STIM2: variants seen among roughly 807,000 people sequenced by gnomAD.
STIM2 encodes the protein stromal interaction molecule 2.
A neutral mutation model predicts 85.8 loss-of-function variants in STIM2; 31 were observed. The observed-to-expected ratio is 0.36, with a 90% CI of 0.27 to 0.49. The LOEUF (loss-of-function observed/expected upper bound fraction) is 0.49. Ranked by LOEUF, STIM2 falls within the 20% of genes least tolerant of loss-of-function variation. The probability of loss-of-function intolerance (pLI) is 0.98; values close to 1 mark genes in which losing one functional copy is unlikely to be tolerated. For synonymous variants in STIM2, 356 were observed against 331.1 expected, an observed-to-expected ratio of 1.08 and a Z score of -0.82; for missense variants, 841 against 927.6, an observed-to-expected ratio of 0.91 and a Z score of 1.21.
intron 2 of STIM2, among the ~76,000 whole-genome samples, chr4:26,931,650 G>A (rs917311650): frequency 3.9e-5 from 6 of 152,128 alleles, no homozygotes; most frequent in African/African-American, 1.2e-4. Flanking sequence ...TTGTTTGACT[G>A]AAGGATCACT....
Position 26,861,096 on chromosome 4 carries a change from G to A in STIM2, c.-123G>A, listed in dbSNP as rs1213634100. On this transcript the variant is annotated 5_prime_UTR_variant, in exon 1 of 12. Transcript: ENST00000467087. ...GGCGGTGGTGGCGCCTCGCGGAGCC[G>A]GCGAGCTGCAGGCGGCCGGGGCGCC... 1.1e-5 allele frequency: 13 copies of A among 1,195,778 alleles called. No individual in the cohort carries two copies. The highest frequency in any genetic ancestry group is 3.7e-5 in the East Asian group (1 of 26,680). 74.1% of individuals were successfully genotyped at this position (1,195,778 alleles called of 1,614,324 possible).
chr4:26,862,787 G>C (rs941175747), intron 1 of STIM2, among the ~76,000 whole-genome samples: 2 of 152,164 alleles, frequency 1.3e-5, no homozygotes, highest in Non-Finnish European at 2.9e-5. Context: ...CTTTATGCTT[G>C]AATAGTATTT....
intron 1 of STIM2, among the ~76,000 whole-genome samples, chr4:26,871,357 G>T (rs1379353411): frequency 2.0e-5 from 3 of 152,144 alleles, no homozygotes; most frequent in Admixed American, 2.0e-4. Context: ...GGCTGGAGAA[G>T]TAGCAGATAC....
Position 26,928,574 on chromosome 4 carries a change from G to C in STIM2, c.282+8940G>C, listed in dbSNP as rs570329481. Among the ~76,000 whole-genome samples, 18 of 152,146 alleles carry C rather than the reference G, an allele frequency of 1.2e-4. No homozygotes were observed. The South Asian group carries it at 3.7e-3, about 32-fold the overall frequency. On this transcript the variant is annotated intron_variant, in intron 2 of 11. Transcript: ENST00000467087. ...CTTTTATAGAGATGAGAGTCTTGCT[G>C]TGTGGCTCATGCTGGTTTCAAAAGC... is the stretch of plus-strand genomic sequence containing the variant.
intron 2 of STIM2, among the ~76,000 whole-genome samples, chr4:26,934,862 G>T (rs1056598225): frequency 7.0e-6 from 1 of 142,280 alleles, no homozygotes; most frequent in Admixed American, 7.5e-5. Flanking sequence ...GTAGTGAGCC[G>T]AGATCGCGCC....
chr4:26,987,028 G>A (rs1422955434), intron 3 of STIM2, among the ~76,000 whole-genome samples: 1 of 152,140 alleles, frequency 6.6e-6, no homozygotes, highest in African/African-American at 2.4e-5. Flanking sequence ...GAAATTCATG[G>A]GAGAAAGAGA....
In STIM2 at chr4:26,860,882, G is replaced by A. The variant is rs952099032; in HGVS notation, c.-337G>A. On this transcript the variant is annotated 5_prime_UTR_variant, in exon 1 of 12. Coordinates refer to ENST00000467087, the MANE Select transcript of STIM2 (RefSeq NM_020860.4). Reference sequence around the variant, plus strand: ...GTCTCGCCGCAGCAGCAGCGCGGGTGTCGTGCACCGCCTGAAGACGCCGTA... The same window carrying A: ...GTCTCGCCGCAGCAGCAGCGCGGGTATCGTGCACCGCCTGAAGACGCCGTA... The A allele has an allele frequency of 3.1e-6, 3 of 980,758 alleles. No homozygotes were observed. The highest frequency in any genetic ancestry group is 3.2e-4 in the Middle Eastern group (1 of 3,100). 60.8% of individuals were successfully genotyped at this position (980,758 alleles called of 1,614,324 possible).
At chr4:26,906,915 C>T (rs1278895900) in intron 1 of STIM2, among the ~76,000 whole-genome samples, 4 of 150,228 alleles carry the variant, frequency 2.7e-5, no homozygotes, top group African/African-American at 7.4e-5. Flanking sequence ...TGCAGTGAGC[C>T]GAGATTGCAT....
intron 1 of STIM2, among the ~76,000 whole-genome samples, chr4:26,868,747 A>G (rs531154336): frequency 2.6e-5 from 4 of 151,546 alleles, no homozygotes; most frequent in East Asian, 1.9e-4. Flanking sequence ...CTTTATTCCT[A>G]TTGTCCAGCA....
intron 1 of STIM2, among the ~76,000 whole-genome samples, chr4:26,879,578 A>G (rs537719703): frequency 1.3e-5 from 2 of 152,292 alleles, no homozygotes; most frequent in South Asian, 2.1e-4. Context: ...CAACAACTCT[A>G]TGAGAGCAGT....
chr4:26,898,605 C>A (rs947768934), intron 1 of STIM2, among the ~76,000 whole-genome samples: 12 of 152,116 alleles, frequency 7.9e-5, no homozygotes, highest in Non-Finnish European at 1.3e-4. Flanking sequence ...CTGTCAAGAA[C>A]TTTGATCAGT....
chr4:26,927,680 T>TA (rs71186498), intron 2 of STIM2, among the ~76,000 whole-genome samples: 1,695 of 23,416 alleles, frequency 0.072, 218 homozygotes, highest in Middle Eastern at 0.12. Flanking sequence ...TAGAGTATAA[T>TA]AAAAAAAAAA....
In STIM2 at chr4:27,022,731, C is replaced by G. The variant is rs531937020; in HGVS notation, c.1976C>G (p.Thr659Ser). 1 of 1,614,032 alleles carries G rather than the reference C, an allele frequency of 6.2e-7. No homozygotes were observed. The highest frequency in any genetic ancestry group is 8.5e-7 in the Non-Finnish European group (1 of 1,179,994). Reference sequence around the variant, plus strand: ...CCCGACTGTGTAGGTCTGACAGAAACTAAGAGTATGATCTTCAGTCCTGCA... The same window carrying G: ...CCCGACTGTGTAGGTCTGACAGAAAGTAAGAGTATGATCTTCAGTCCTGCA... Residue 659 changes from threonine (T) to serine (S), a missense_variant, in exon 12 of 12, where the codon ACT becomes AGT. Coordinates refer to ENST00000467087, the MANE Select transcript of STIM2 (RefSeq NM_020860.4).
intron 1 of STIM2, chr4:26,861,625 A>T (rs1236224304): frequency 2.7e-6 from 1 of 368,534 alleles, no homozygotes; most frequent in Non-Finnish European, 4.5e-6. Context: ...CGATCTTCCA[A>T]GCTGAGCAAT....
intron 1 of STIM2, among the ~76,000 whole-genome samples, chr4:26,879,900 C>G (rs150890081): frequency 8.9e-4 from 135 of 152,274 alleles, no homozygotes; most frequent in African/African-American, 3.0e-3. Context: ...TTGAGTTTCT[C>G]TGCTTTTTTC....
At chr4:27,002,831 A>T in intron 6 of STIM2, 96 bp from the exon 7 acceptor site, 5 of 1,074,956 alleles carry the variant, frequency 4.7e-6, no homozygotes, top group Non-Finnish European at 6.2e-6. Flanking sequence ...TGATTGAAAT[A>T]TGTATTTAAT....
intron 1 of STIM2, among the ~76,000 whole-genome samples, chr4:26,883,408 C>CAT (rs1723097998): frequency 6.6e-6 from 1 of 151,960 alleles, no homozygotes; most frequent in African/African-American, 2.4e-5. Flanking sequence ...TATGTATGCA[C>CAT]ATATATACCT....
chr4:26,898,798 A>G (rs1723801689), intron 1 of STIM2, among the ~76,000 whole-genome samples: 1 of 152,104 alleles, frequency 6.6e-6, no homozygotes, highest in Non-Finnish European at 1.5e-5. Flanking sequence ...TTAAAAAGGC[A>G]TTTTATGCAT....
At chr4:26,881,361 G>A (rs576858911) in intron 1 of STIM2, among the ~76,000 whole-genome samples, 3 of 151,904 alleles carry the variant, frequency 2.0e-5, no homozygotes, top group Non-Finnish European at 4.4e-5. Context: ...AGCTACTTGG[G>A]AGGCTGAGGC....
Sources: allele counts gnomAD v4.1 joint callset (sites outside exome capture counted in the v4.1 genomes callset), GRCh38; gene constraint gnomAD v4.1.1; transcripts MANE v1.5; gene names NCBI Gene and HGNC (gene_info 2026-07-23, HGNC 2026-07-21).